Variants in WASHC5 observed in about 807,000 individuals in gnomAD.
WASHC5 encodes WASH complex subunit 5, also known as WASH complex subunit strumpellin.
Under a neutral mutation model 150.4 loss-of-function variants are expected in WASHC5, and 101 were observed. That is an observed-to-expected ratio of 0.67 (90% CI 0.57 to 0.79). The LOEUF is 0.79. Among genes scored for constraint, WASHC5 ranks in the 30% least tolerant of loss-of-function variants. The pLI is 0.00. For synonymous variants in WASHC5, 467 were observed against 491.2 expected, an observed-to-expected ratio of 0.95 and a Z score of 0.65; for missense variants, 1,195 against 1,396.3, an observed-to-expected ratio of 0.86 and a Z score of 2.30.
intron 20 of WASHC5, among the ~76,000 whole-genome samples, chr8:125,045,686 G>T (rs933384599): frequency 2.6e-5 from 4 of 152,180 alleles, no homozygotes; most frequent in African/African-American, 9.7e-5. Flanking sequence ...TTTAAATCAG[G>T]AAGTAAATAG....
chr8:125,066,140 T>C (rs1175021535), intron 10 of WASHC5, among the ~76,000 whole-genome samples: 1 of 152,164 alleles, frequency 6.6e-6, no homozygotes, highest in South Asian at 2.1e-4. Context: ...TCAATAACTA[T>C]TTGCTATTCA....
chr8:125,078,896 C>T lies in WASHC5; in HGVS notation c.553G>A (p.Asp185Asn), dbSNP rs1817146003. The change falls in exon 6 of 29, where the codon GAT becomes AAT. Residue 185 changes from aspartate to asparagine, a missense_variant. By Grantham distance (23) the Asp-to-Asn change is conservative. Around this residue, in one of 3 missense-constraint regions of WASHC5, gnomAD observed 3 missense variants for 21.3 expected, o/e 0.14. Coordinates refer to ENST00000318410, the MANE Select transcript of WASHC5 (RefSeq NM_014846.4). ...ARSSADSNMD[D>N]ICKLLRSTGY... is the part of the protein sequence containing the mutation. ...GTACTTCGAAGCAGCTTACAAATATCGTCCATATTTGAATCAGCAGAAGAT... is the reference window on the plus strand; with the variant it reads ...GTACTTCGAAGCAGCTTACAAATATTGTCCATATTTGAATCAGCAGAAGAT... 1 of 1,613,554 alleles carries T rather than the reference C, an allele frequency of 6.2e-7. No individual in the cohort carries two copies. The highest frequency in any genetic ancestry group is 1.3e-5 in the African/African-American group (1 of 74,766).
In WASHC5 at chr8:125,073,344, G is replaced by A. The variant is rs12546285; in HGVS notation, c.979-20C>T. On this transcript the variant is annotated intron_variant, in intron 8 of 28. Coordinates refer to ENST00000318410, the MANE Select transcript of WASHC5 (RefSeq NM_014846.4). The stretch of plus-strand genomic sequence containing the variant: ...GCTTGCCTTGACAAATAAGAAACTT[G>A]AATTACATTTAAAAAGTCATTTATC... 0.2 allele frequency: 326,432 copies of A among 1,598,120 alleles called. 36,703 individuals carry two copies. Among genetic ancestry groups the A allele is most frequent in the Admixed American group, 0.42 (24,918 of 59,910 alleles).
At position 125,086,716 on chromosome 8, in the gene WASHC5, G is replaced by C. The variant is rs140162056; in HGVS notation, c.-124-2694C>G. On this transcript the variant is annotated intron_variant, in intron 1 of 28. Coordinates refer to ENST00000318410, the MANE Select transcript of WASHC5 (RefSeq NM_014846.4). ...TACCAATTCCAGGCCTAAGCCTTGAGAAGGCCTGGCAGTATCTCCTTTTGC... is the reference window on the plus strand; with the variant it reads ...TACCAATTCCAGGCCTAAGCCTTGACAAGGCCTGGCAGTATCTCCTTTTGC... 6.2e-3 allele frequency among the ~76,000 whole-genome samples: 947 copies of C among 152,354 alleles called. 1 individual carries two copies. The highest frequency in any genetic ancestry group is 9.7e-3 in the Non-Finnish European group (661 of 68,044).
intron 1 of WASHC5, among the ~76,000 whole-genome samples, chr8:125,088,442 AG>A (rs1322358693): frequency 5.2e-5 from 7 of 135,226 alleles, no homozygotes; most frequent in South Asian, 2.3e-4. Context: ...AAAAAGGGGG[AG>A]GGGGGGAAGG....
At position 125,059,561 on chromosome 8, in the gene WASHC5, C is replaced by G; in HGVS notation, c.1522-19G>C. ...CTTGAACCTGTGTTACAGAAATATA[C>G]TTAATTTAAAAATCCTGAATGGACT... On this transcript the variant is annotated intron_variant, in intron 12 of 28. Transcript: ENST00000318410. 6.2e-7 allele frequency: 1 copy of G among 1,605,158 alleles called. No homozygotes were observed. Among genetic ancestry groups the G allele is most frequent in the Non-Finnish European group, 8.5e-7 (1 of 1,172,716 alleles).
intron 20 of WASHC5, among the ~76,000 whole-genome samples, chr8:125,045,565 G>C (rs1045199092): frequency 6.6e-6 from 1 of 152,174 alleles, no homozygotes; most frequent in Non-Finnish European, 1.5e-5. Context: ...TCTGGCCTTT[G>C]CATTTTCAGC....
At chr8:125,044,769 C>A in intron 20 of WASHC5, 71 bp from the exon 21 acceptor site, 2 of 1,454,348 alleles carry the variant, frequency 1.4e-6, no homozygotes, top group South Asian at 2.3e-5. Flanking sequence ...TAGGACTCAA[C>A]AGGACATGCG....
In WASHC5 at chr8:125,024,430, T is replaced by TTAAA. The variant is rs1234600789; in HGVS notation, c.*183_*186dup. The TTAAA allele has an allele frequency of 3.1e-6, 2 of 636,322 alleles. No homozygotes were observed. The highest frequency in any genetic ancestry group is 5.7e-6 in the Non-Finnish European group (2 of 350,146). The allele number at this position is 636,322 out of a possible 1,614,324, so 39.4% of individuals were successfully genotyped here. A position where few individuals can be genotyped will look rare whatever the true frequency, so the allele number is the denominator to read the frequency against. ...TATAAATTGCATGTAATACCATGATTTAAACAATATCAGTTATATTAACTA... is the reference window on the plus strand; with the variant it reads ...TATAAATTGCATGTAATACCATGATTTAAATAAACAATATCAGTTATATTAACTA... On this transcript the variant is annotated 3_prime_UTR_variant, in exon 29 of 29. Transcript: ENST00000318410.
chr8:125,086,751 G>A (rs115666999), intron 1 of WASHC5, among the ~76,000 whole-genome samples: 1 of 152,178 alleles, frequency 6.6e-6, no homozygotes. Context: ...CTCTCTTTGG[G>A]TGTCCGAAGC....
chr8:125,069,239 G>A (rs1019420296), intron 9 of WASHC5, among the ~76,000 whole-genome samples: 1 of 152,272 alleles, frequency 6.6e-6, no homozygotes, highest in South Asian at 2.1e-4. Flanking sequence ...CTGCCTATCT[G>A]GCATATATTG....
chr8:125,037,147 C>T (rs1487773656), intron 26 of WASHC5, 90 bp downstream of exon 26: 10 of 791,204 alleles, frequency 1.3e-5, no homozygotes, highest in East Asian at 5.0e-5. Flanking sequence ...ATCTCATATC[C>T]GACATAGGCA....
At chr8:125,067,290 T>A (rs1816770101) in intron 10 of WASHC5, among the ~76,000 whole-genome samples, 1 of 152,218 alleles carries the variant, frequency 6.6e-6, no homozygotes, top group South Asian at 2.1e-4. Flanking sequence ...GGTGCTGGGA[T>A]TACAGGCATG....
chr8:125,053,533 G>A (rs111933079), intron 17 of WASHC5, among the ~76,000 whole-genome samples: 1 of 152,112 alleles, frequency 6.6e-6, no homozygotes, highest in African/African-American at 2.4e-5. Context: ...TAAAATGCAT[G>A]TACATTCTCT....
chr8:125,030,443 T>C (rs1815494810), intron 27 of WASHC5, among the ~76,000 whole-genome samples: 1 of 152,128 alleles, frequency 6.6e-6, no homozygotes, highest in Non-Finnish European at 1.5e-5. Flanking sequence ...CAGTGTTTGT[T>C]GTTCGATTCA....
At chr8:125,036,785 G>A (rs1217800730) in intron 26 of WASHC5, among the ~76,000 whole-genome samples, 39 of 152,212 alleles carry the variant, frequency 2.6e-4, no homozygotes, top group Non-Finnish European at 7.4e-5. Context: ...CAAGGTGGGC[G>A]GATCACCTGA....
In WASHC5 at chr8:125,067,736, T is replaced by A; in HGVS notation, c.1151-17A>T. 1 of 1,612,400 alleles carries A rather than the reference T, an allele frequency of 6.2e-7. No individual in the cohort carries two copies. On this transcript the variant is annotated splice_polypyrimidine_tract_variant and intron_variant, in intron 9 of 28. Coordinates refer to ENST00000318410, the MANE Select transcript of WASHC5 (RefSeq NM_014846.4). The stretch of plus-strand genomic sequence containing the variant: ...GGTCACAGGCTAGAAACAGGAAAAG[T>A]GTTACCTGCTTACTAAATGTGTAGA...
At chr8:125,057,518 T>C (rs781666092) in intron 15 of WASHC5, 38 bp downstream of exon 15, 7 of 1,313,118 alleles carry the variant, frequency 5.3e-6, no homozygotes, top group Middle Eastern at 3.8e-4. Flanking sequence ...ACAGCAGTTA[T>C]CTGGCAAGAG....
rs1377087490 is a variant in WASHC5, at chr8:125,079,139, T to TATAC, written c.519-210_519-209insGTAT. Among the ~76,000 whole-genome samples the TATAC allele has an allele frequency of 4.5e-4, 58 of 129,566 alleles. 1 individual carries two copies. Among genetic ancestry groups the TATAC allele is most frequent in the African/African-American group, 1.9e-3 (54 of 27,762 alleles). The allele number at this position is 129,566 out of a possible 152,430, so 85.0% of individuals were successfully genotyped here. A position where few individuals can be genotyped will look rare whatever the true frequency, so the allele number is the denominator to read the frequency against. On this transcript the variant is annotated intron_variant, in intron 5 of 28. Transcript: ENST00000318410. Reference sequence around the variant, plus strand: ...GTGTATATATATATATATATATATATACATTTTTTTTTGAGATGGAGTCTC... The same window carrying TATAC: ...GTGTATATATATATATATATATATATATACACATTTTTTTTTGAGATGGAGTCTC...
Sources: gnomAD v4.1 joint callset for allele counts (sites outside exome capture counted in the v4.1 genomes callset) on GRCh38, gnomAD v4.1.1 for gene constraint, gnomAD v4.1.1 regional missense constraint, MANE v1.5 for transcripts, NCBI Gene and HGNC (gene_info 2026-07-23, HGNC 2026-07-21) for gene names.